Variants in RPS6KC1 observed in about 807,000 individuals in gnomAD.
RPS6KC1 encodes the protein inactive ribosomal protein S6 kinase delta-1.
A neutral mutation model predicts 103.8 loss-of-function variants in RPS6KC1; 54 were observed. That is an observed-to-expected ratio of 0.52 (90% CI 0.42 to 0.65). The LOEUF (loss-of-function observed/expected upper bound fraction) is 0.65, where lower values mean the gene tolerates loss of function less well. Ranked by LOEUF, RPS6KC1 falls within the 30% of genes least tolerant of loss-of-function variation. The probability of loss-of-function intolerance (pLI) is 0.00; values close to 1 mark genes in which losing one functional copy is unlikely to be tolerated. For missense variants in RPS6KC1, 1,151 were observed against 1,253.8 expected (o/e 0.92, Z 1.24); for synonymous variants, 439 against 438.7 (o/e 1.00, Z -0.01).
At chr1:213,741,141 A>G in the RPS6KC1 span, among the ~76,000 whole-genome samples, 5 of 150,756 alleles carry the variant, frequency 3.3e-5, no homozygotes, top group Non-Finnish European at 7.4e-5. Flanking sequence ...TAATAACTGT[A>G]TATTATTTAT....
the RPS6KC1 span, among the ~76,000 whole-genome samples, chr1:213,658,381 G>T: frequency 6.6e-6 from 1 of 152,186 alleles, no homozygotes; most frequent in South Asian, 2.1e-4. Context: ...CTCCTCCAAA[G>T]ATTAAGGGAA....
At chr1:213,460,849 G>T in the RPS6KC1 span, among the ~76,000 whole-genome samples, 1 of 152,066 alleles carries the variant, frequency 6.6e-6, no homozygotes, top group South Asian at 2.1e-4. Context: ...TGCTTATGAA[G>T]CTTAGTTTGG....
chr1:213,690,038 T>A, the RPS6KC1 span, among the ~76,000 whole-genome samples: 6 of 152,282 alleles, frequency 3.9e-5, no homozygotes, highest in Non-Finnish European at 7.4e-5. Context: ...GCCCCCAGCA[T>A]CCCACCCTGC....
chr1:213,417,584 G>A, the RPS6KC1 span, among the ~76,000 whole-genome samples: 1 of 152,058 alleles, frequency 6.6e-6, no homozygotes, highest in African/African-American at 2.4e-5. Flanking sequence ...GGCAATGTGG[G>A]AAGGGAGGTG....
At chr1:213,727,872 G>T in the RPS6KC1 span, among the ~76,000 whole-genome samples, 1 of 152,208 alleles carries the variant, frequency 6.6e-6, no homozygotes, top group Non-Finnish European at 1.5e-5. Flanking sequence ...AAAGTTAGCA[G>T]TAAAGGGAAA....
the RPS6KC1 span, among the ~76,000 whole-genome samples, chr1:213,568,180 G>C: frequency 3.9e-5 from 6 of 152,218 alleles, no homozygotes; most frequent in Non-Finnish European, 8.8e-5. Context: ...CTATTTGACT[G>C]TAAAGATAGA....
chr1:213,189,571 G>C (rs995593607), intron 8 of RPS6KC1, among the ~76,000 whole-genome samples: 1 of 151,020 alleles, frequency 6.6e-6, no homozygotes, highest in African/African-American at 2.4e-5. Flanking sequence ...GAGATATTTT[G>C]ATACAGGGAT....
intron 8 of RPS6KC1, among the ~76,000 whole-genome samples, chr1:213,179,146 G>A (rs1449976932): frequency 6.6e-6 from 1 of 152,112 alleles, no homozygotes; most frequent in Non-Finnish European, 1.5e-5. Flanking sequence ...CGGGAGCTGT[G>A]GCTCATGCCT....
the RPS6KC1 span, among the ~76,000 whole-genome samples, chr1:213,429,304 C>T: frequency 6.6e-6 from 1 of 152,112 alleles, no homozygotes; most frequent in Non-Finnish European, 1.5e-5. Flanking sequence ...CAGGCATATA[C>T]CACCATGCCC....
At chr1:213,410,743 C>G in the RPS6KC1 span, among the ~76,000 whole-genome samples, 469 of 151,804 alleles carry the variant, frequency 3.1e-3, 1 homozygote, top group African/African-American at 0.011. Flanking sequence ...TGTGAGGTCT[C>G]AGAAAGGGAA....
the RPS6KC1 span, among the ~76,000 whole-genome samples, chr1:213,645,041 A>C: frequency 3.3e-5 from 5 of 152,146 alleles, no homozygotes; most frequent in Non-Finnish European, 7.3e-5. Context: ...AGAAAAAGTG[A>C]TTGGGTATAG....
At chr1:213,714,262 GT>G in the RPS6KC1 span, among the ~76,000 whole-genome samples, 1 of 152,210 alleles carries the variant, frequency 6.6e-6, no homozygotes, top group African/African-American at 2.4e-5. Context: ...GCACGCTAAT[GT>G]TATATAGATG....
chr1:213,141,304 T>C (rs1179647235), intron 6 of RPS6KC1, among the ~76,000 whole-genome samples: 1 of 152,102 alleles, frequency 6.6e-6, no homozygotes, highest in Non-Finnish European at 1.5e-5. Context: ...CAACTTATTA[T>C]TGATCTGTTC....
At chr1:213,534,018 T>A in the RPS6KC1 span, among the ~76,000 whole-genome samples, 1 of 152,220 alleles carries the variant, frequency 6.6e-6, no homozygotes, top group Non-Finnish European at 1.5e-5. Flanking sequence ...TTGTATATGT[T>A]CTTTGGCAAC....
chr1:213,206,648 G>A (rs79579625), intron 8 of RPS6KC1, among the ~76,000 whole-genome samples: 1,726 of 152,214 alleles, frequency 0.011, 23 homozygotes, highest in African/African-American at 0.039. Flanking sequence ...TCTAAATACC[G>A]CCCTTCTCCA....
the RPS6KC1 span, among the ~76,000 whole-genome samples, chr1:213,615,942 T>C: frequency 1.3e-5 from 2 of 152,178 alleles, no homozygotes; most frequent in Admixed American, 6.5e-5. Context: ...GGGAAAATGA[T>C]TTCTAAAAGG....
the RPS6KC1 span, among the ~76,000 whole-genome samples, chr1:213,624,909 A>AG: frequency 6.6e-6 from 1 of 152,160 alleles, no homozygotes; most frequent in Non-Finnish European, 1.5e-5. Context: ...TATCAATTTG[A>AG]GGGGCGACAT....
chr1:213,560,304 T>C, the RPS6KC1 span, among the ~76,000 whole-genome samples: 733 of 152,264 alleles, frequency 4.8e-3, 6 homozygotes, highest in African/African-American at 0.013. Flanking sequence ...AATCTGGGTT[T>C]AGAGGTCAGA....
the RPS6KC1 span, among the ~76,000 whole-genome samples, chr1:213,322,179 G>A: frequency 1.5e-4 from 23 of 152,132 alleles, no homozygotes; most frequent in Non-Finnish European, 2.8e-4. Context: ...GGTGGCACAC[G>A]CCTGTAATTA....
Sources: allele counts gnomAD v4.1 joint callset (sites outside exome capture counted in the v4.1 genomes callset), GRCh38; gene constraint gnomAD v4.1.1; transcripts MANE v1.5; gene names NCBI Gene and HGNC (gene_info 2026-07-23, HGNC 2026-07-21).